LRMDA: variants seen among roughly 807,000 people sequenced by gnomAD.
The protein encoded by LRMDA is leucine-rich melanocyte differentiation-associated protein.
In LRMDA, 18 loss-of-function variants were observed where a neutral mutation model predicts 29.8. The ratio of observed to expected loss-of-function variants is 0.60; its 90% CI spans 0.42 to 0.90. The LOEUF (loss-of-function observed/expected upper bound fraction) is 0.90. Among genes scored for constraint, LRMDA ranks in the 40% least tolerant of loss-of-function variants. The pLI is 0.00. For synonymous variants in LRMDA, 125 were observed against 109.4 expected (o/e 1.14, Z -0.89); for missense variants, 273 against 273.9 (o/e 1.00, Z 0.02).
At chr10:76,206,447 G>T (rs1851539103) in intron 5 of LRMDA, among the ~76,000 whole-genome samples, 1 of 152,138 alleles carries the variant, frequency 6.6e-6, no homozygotes, top group South Asian at 2.1e-4. Flanking sequence ...AGGAAAGTAT[G>T]CATGTCTGTT....
intron 2 of LRMDA, among the ~76,000 whole-genome samples, chr10:75,474,613 TGC>T: frequency 6.6e-6 from 1 of 152,198 alleles, no homozygotes; most frequent in Non-Finnish European, 1.5e-5. Context: ...AGGTTAGACT[TGC>T]TACTACAACA....
At chr10:76,554,389 C>T (rs1172597811) in intron 6 of LRMDA, among the ~76,000 whole-genome samples, 1 of 152,182 alleles carries the variant, frequency 6.6e-6, no homozygotes, top group African/African-American at 2.4e-5. Context: ...CACCACACAG[C>T]CCCTTTGTTT....
chr10:76,035,877 A>G, intron 2 of LRMDA, 131 bp from the exon 3 acceptor site: 1 of 1,019,664 alleles, frequency 9.8e-7, no homozygotes, highest in Non-Finnish European at 1.4e-6. Flanking sequence ...CTTGTCATTC[A>G]CTTTGCTGAC....
At chr10:75,737,793 A>G (rs1403461960) in intron 2 of LRMDA, among the ~76,000 whole-genome samples, 1 of 152,196 alleles carries the variant, frequency 6.6e-6, no homozygotes, top group Non-Finnish European at 1.5e-5. Flanking sequence ...ATAATCCTGA[A>G]GCCCTGTTCT....
intron 5 of LRMDA, among the ~76,000 whole-genome samples, chr10:76,068,136 G>T (rs770376781): frequency 2.0e-5 from 3 of 152,184 alleles, no homozygotes; most frequent in Non-Finnish European, 2.9e-5. Context: ...GGATGGCATG[G>T]TCCCATTTTC....
At chr10:75,480,460 C>T (rs188935652) in intron 2 of LRMDA, among the ~76,000 whole-genome samples, 160 of 151,558 alleles carry the variant, frequency 1.1e-3, no homozygotes, top group Admixed American at 2.4e-3. Flanking sequence ...CATGTCTGTC[C>T]TCATAAAGCT....
chr10:76,485,867 T>A (rs1589211693), intron 6 of LRMDA, among the ~76,000 whole-genome samples: 1 of 151,886 alleles, frequency 6.6e-6, no homozygotes, highest in East Asian at 1.9e-4. Context: ...ACTGTGTCTA[T>A]TAGAAGCTTT....
At chr10:76,082,464 G>C (rs73281587) in intron 5 of LRMDA, among the ~76,000 whole-genome samples, 9,131 of 151,998 alleles carry the variant, frequency 0.06, 721 homozygotes, top group African/African-American at 0.18. Flanking sequence ...TGGGAGGAGC[G>C]AGAACTAGGC....
intron 2 of LRMDA, among the ~76,000 whole-genome samples, chr10:75,778,899 C>T (rs1843345269): frequency 6.6e-6 from 1 of 152,088 alleles, no homozygotes; most frequent in South Asian, 2.1e-4. Flanking sequence ...GGAAGGGATC[C>T]AAGTAGGAAT....
At chr10:76,089,931 C>A (rs141094151) in intron 5 of LRMDA, among the ~76,000 whole-genome samples, 71 of 152,268 alleles carry the variant, frequency 4.7e-4, no homozygotes, top group Non-Finnish European at 8.5e-4. Flanking sequence ...GTAACGTGAG[C>A]CAACGCCCAC....
chr10:75,499,780 T>C (rs1044464994), intron 2 of LRMDA, among the ~76,000 whole-genome samples: 2 of 152,136 alleles, frequency 1.3e-5, no homozygotes, highest in East Asian at 3.9e-4. Flanking sequence ...TTCATCTCAG[T>C]AGGAGGCAGT....
At chr10:75,920,233 T>C (rs192582447) in intron 2 of LRMDA, among the ~76,000 whole-genome samples, 16 of 152,280 alleles carry the variant, frequency 1.1e-4, no homozygotes, top group African/African-American at 3.6e-4. Context: ...CAAGCCTAGA[T>C]GGTACACCAC....
intron 2 of LRMDA, among the ~76,000 whole-genome samples, chr10:76,014,128 A>AAT (rs1554840721): frequency 2.4e-4 from 23 of 94,838 alleles, no homozygotes; most frequent in Admixed American, 7.7e-4. Context: ...ATATATAATT[A>AAT]TATATATATA....
At chr10:76,239,343 A>AT (rs1193497457) in intron 5 of LRMDA, among the ~76,000 whole-genome samples, 1 of 152,170 alleles carries the variant, frequency 6.6e-6, no homozygotes, top group Non-Finnish European at 1.5e-5. Flanking sequence ...CATGGTCACC[A>AT]TGTCATTATC....
At chr10:76,145,742 G>A (rs904022856) in intron 5 of LRMDA, among the ~76,000 whole-genome samples, 4 of 152,114 alleles carry the variant, frequency 2.6e-5, no homozygotes, top group Admixed American at 2.0e-4. Flanking sequence ...GCTTTTGAAT[G>A]TGTTTGGTCT....
chr10:75,659,275 C>G (rs1841718997), intron 2 of LRMDA, among the ~76,000 whole-genome samples: 1 of 152,180 alleles, frequency 6.6e-6, no homozygotes, highest in South Asian at 2.1e-4. Context: ...AAGTGTCTTT[C>G]CAGTTTTTGC....
chr10:76,182,736 T>C (rs1237073966), intron 5 of LRMDA, among the ~76,000 whole-genome samples: 4 of 152,120 alleles, frequency 2.6e-5, no homozygotes, highest in Admixed American at 6.6e-5. Flanking sequence ...CTTGTATTGA[T>C]GAAAGCAGTA....
intron 2 of LRMDA, among the ~76,000 whole-genome samples, chr10:75,894,430 G>T (rs1214690708): frequency 2.6e-5 from 4 of 152,178 alleles, no homozygotes; most frequent in Admixed American, 6.5e-5. Context: ...CTTGTTGATT[G>T]TTGGGCATTT....
chr10:76,301,791 A>T (rs2132362378), intron 5 of LRMDA, among the ~76,000 whole-genome samples: 1 of 152,298 alleles, frequency 6.6e-6, no homozygotes, highest in East Asian at 1.9e-4. Flanking sequence ...AAAAATGGTT[A>T]CTGATGCCCT....
Sources: gnomAD v4.1 joint callset for allele counts (sites outside exome capture counted in the v4.1 genomes callset) on GRCh38, gnomAD v4.1.1 for gene constraint, MANE v1.5 for transcripts, NCBI Gene and HGNC (gene_info 2026-07-23, HGNC 2026-07-21) for gene names.